The following NOTCH2NLC variants were observed in gnomAD, a reference collection of about 807,000 sequenced individuals.
NOTCH2NLC encodes the protein notch homolog 2 N-terminal-like protein C.
Under a neutral mutation model 17.7 loss-of-function variants are expected in NOTCH2NLC, and 4 were observed. That is an observed-to-expected ratio of 0.23 (90% CI 0.11 to 0.52). NOTCH2NLC has a LOEUF of 0.52. Ranked by LOEUF, NOTCH2NLC falls within the 20% of genes least tolerant of loss-of-function variation. The pLI is 0.96. For missense variants in NOTCH2NLC, 57 were observed against 207.2 expected (o/e 0.28, Z 4.45); for synonymous variants, 18 against 86.0 (o/e 0.21, Z 4.38).
In NOTCH2NLC at chr1:149,419,361, C is replaced by A. The variant is rs1246057701; in HGVS notation, c.136-11581C>A. ...AAATGGAGAAACCTAGAGTTCTCTT[C>A]TGTGCTTAAAGACACAAACATGGAA... On this transcript the variant is annotated intron_variant, in intron 1 of 4. Coordinates refer to ENST00000650865, the MANE Select transcript of NOTCH2NLC (RefSeq NM_001364013.2). Among the ~76,000 whole-genome samples, 527 of 150,346 alleles carry A rather than the reference C, an allele frequency of 3.5e-3. 16 individuals are homozygous for A. Among genetic ancestry groups the A allele is most frequent in the African/African-American group, 0.012 (511 of 41,158 alleles).
intron 3 of NOTCH2NLC, among the ~76,000 whole-genome samples, chr1:149,461,478 G>A (rs2084649684): frequency 6.7e-6 from 1 of 149,846 alleles, no homozygotes; most frequent in South Asian, 2.1e-4. Context: ...GCACTTTTCT[G>A]TGCTCATATG....
intron 1 of NOTCH2NLC, among the ~76,000 whole-genome samples, chr1:149,402,122 C>T (rs1449692557): frequency 6.7e-6 from 1 of 150,374 alleles, no homozygotes; most frequent in Non-Finnish European, 1.5e-5. Context: ...TCTTGTTGCC[C>T]AGGCTGGAGT....
In NOTCH2NLC at chr1:149,471,686, C is replaced by A. The variant is rs2084721143; in HGVS notation, c.*7533C>A. On this transcript the variant is annotated 3_prime_UTR_variant, in exon 5 of 5. Coordinates refer to ENST00000650865, the MANE Select transcript of NOTCH2NLC (RefSeq NM_001364013.2). The stretch of plus-strand genomic sequence containing the variant: ...TGCTTTTTGGCATTATGAAAATATT[C>A]TGGAATTAGGTAGTGGTGATGGTTG... 6.7e-6 allele frequency among the ~76,000 whole-genome samples: 1 copy of A among 149,440 alleles called. No homozygotes were observed. Among genetic ancestry groups the A allele is most frequent in the Admixed American group, 6.7e-5 (1 of 14,906 alleles).
intron 1 of NOTCH2NLC, among the ~76,000 whole-genome samples, chr1:149,427,508 T>TC (rs2084419813): frequency 8.4e-6 from 1 of 119,146 alleles, no homozygotes; most frequent in African/African-American, 3.2e-5. Flanking sequence ...TTTTTTTTTT[T>TC]TTTTTTTTGA....
At chr1:149,409,386 A>T (rs1454351870) in intron 1 of NOTCH2NLC, among the ~76,000 whole-genome samples, 1 of 150,574 alleles carries the variant, frequency 6.6e-6, no homozygotes, top group Non-Finnish European at 1.5e-5. Context: ...TTGTTTTTTC[A>T]AAACTTTTTT....
At chr1:149,448,664 G>A (rs1224584848) in intron 2 of NOTCH2NLC, among the ~76,000 whole-genome samples, 6 of 151,006 alleles carry the variant, frequency 4.0e-5, no homozygotes, top group Non-Finnish European at 7.4e-5. Context: ...AATAGTAAAA[G>A]CATAGTGTCC....
intron 1 of NOTCH2NLC, among the ~76,000 whole-genome samples, chr1:149,426,547 T>C (rs1386028946): frequency 1.4e-4 from 20 of 139,886 alleles, no homozygotes; most frequent in Non-Finnish European, 2.6e-4. Flanking sequence ...GATGGAGTGA[T>C]GAGATTGAAA....
chr1:149,448,602 T>C (rs1439853431), intron 2 of NOTCH2NLC, among the ~76,000 whole-genome samples: 1 of 150,292 alleles, frequency 6.7e-6, no homozygotes, highest in Non-Finnish European at 1.5e-5. Context: ...AGCATTATTC[T>C]TTCTTGAACT....
chr1:149,446,714 G>A (rs2084556050), intron 2 of NOTCH2NLC, among the ~76,000 whole-genome samples: 1 of 86,518 alleles, frequency 1.2e-5, no homozygotes, highest in Non-Finnish European at 2.2e-5. Flanking sequence ...AGTTTAAAAT[G>A]GAAAAATTCT....
chr1:149,427,475 G>GT (rs1421676559), intron 1 of NOTCH2NLC, among the ~76,000 whole-genome samples: 4 of 127,444 alleles, frequency 3.1e-5, no homozygotes, highest in African/African-American at 1.2e-4. Flanking sequence ...GTATTCCATT[G>GT]TATGTATCTA....
chr1:149,460,204 A>G (rs2084633943), intron 3 of NOTCH2NLC, among the ~76,000 whole-genome samples: 1 of 146,598 alleles, frequency 6.8e-6, no homozygotes, highest in Non-Finnish European at 1.5e-5. Context: ...GCATATACCC[A>G]CTTAAAATAT....
intron 2 of NOTCH2NLC, among the ~76,000 whole-genome samples, chr1:149,436,907 T>C (rs1369686714): frequency 8.1e-6 from 1 of 124,114 alleles, no homozygotes; most frequent in Non-Finnish European, 1.7e-5. Flanking sequence ...CATAGAGTAA[T>C]CTTTTCTTAA....
intron 2 of NOTCH2NLC, among the ~76,000 whole-genome samples, chr1:149,454,816 C>T (rs1334003319): frequency 6.7e-6 from 1 of 149,144 alleles, no homozygotes; most frequent in Non-Finnish European, 1.5e-5. Context: ...TTTCTCAATG[C>T]TTAATTGAGG....
intron 1 of NOTCH2NLC, among the ~76,000 whole-genome samples, chr1:149,427,157 T>C (rs1419835448): frequency 2.0e-5 from 3 of 151,460 alleles, no homozygotes; most frequent in East Asian, 3.9e-4. Flanking sequence ...TTTACTCTCT[T>C]AGCAATTTTG....
rs1394662142 is a variant in NOTCH2NLC, at chr1:149,436,845, C to CT, written c.209+5835dup. Among the ~76,000 whole-genome samples the CT allele has an allele frequency of 5.7e-5, 7 of 122,986 alleles. No individual in the cohort carries two copies. The East Asian group carries it at 1.3e-3, about 22-fold the overall frequency. The allele number at this position is 122,986 out of a possible 152,430, so 80.7% of individuals were successfully genotyped here. ...GGCCAGTTTTCCATAGTTCATTTATCTTTTTAACATAAAACAAAGAATGCT... is the reference window on the plus strand; with the variant it reads ...GGCCAGTTTTCCATAGTTCATTTATCTTTTTTAACATAAAACAAAGAATGCT... On this transcript the variant is annotated intron_variant, in intron 2 of 4. Transcript: ENST00000650865.
chr1:149,436,797 C>T (rs1488632218), intron 2 of NOTCH2NLC, among the ~76,000 whole-genome samples: 1 of 142,980 alleles, frequency 7.0e-6, no homozygotes, highest in Non-Finnish European at 1.6e-5. Context: ...TATAGTTTTT[C>T]TGGAAAATGA....
chr1:149,468,800 A>G lies in NOTCH2NLC; in HGVS notation c.*4647A>G, dbSNP rs1272888912. Reference sequence around the variant, plus strand: ...TGGAAGCAGTGAGCCTGGGCGGGTGATGGAGTGGGAGATACGTGGCACAGG... The same window carrying G: ...TGGAAGCAGTGAGCCTGGGCGGGTGGTGGAGTGGGAGATACGTGGCACAGG... On this transcript the variant is annotated 3_prime_UTR_variant, in exon 5 of 5. Coordinates refer to ENST00000650865, the MANE Select transcript of NOTCH2NLC (RefSeq NM_001364013.2). 7.1e-6 allele frequency among the ~76,000 whole-genome samples: 1 copy of G among 141,736 alleles called. No homozygotes were observed. Among genetic ancestry groups the G allele is most frequent in the Non-Finnish European group, 1.5e-5 (1 of 65,366 alleles). The allele number at this position is 141,736 out of a possible 152,430, so 93.0% of individuals were successfully genotyped here.
At chr1:149,460,875 CTTTCTTTCTTT>C (rs2084643090) in intron 3 of NOTCH2NLC, among the ~76,000 whole-genome samples, 3 of 100,216 alleles carry the variant, frequency 3.0e-5, no homozygotes, top group South Asian at 3.3e-4. Flanking sequence ...TTCTTTCTTT[CTTTCTTTCTTT>C]CTTTCTTTCT....
chr1:149,419,921 C>T (rs1177808378), intron 1 of NOTCH2NLC, among the ~76,000 whole-genome samples: 2 of 119,464 alleles, frequency 1.7e-5, no homozygotes, highest in Non-Finnish European at 3.3e-5. Flanking sequence ...GGCTGGAGTG[C>T]AGTGGCACAA....
Sources: gnomAD v4.1 joint callset for allele counts (sites outside exome capture counted in the v4.1 genomes callset) on GRCh38, gnomAD v4.1.1 for gene constraint, MANE v1.5 for transcripts, NCBI Gene and HGNC (gene_info 2026-07-23, HGNC 2026-07-21) for gene names.